The following PTPRT variants were observed in gnomAD, a reference collection of about 807,000 sequenced individuals.
PTPRT encodes protein tyrosine phosphatase receptor type T.
PTPRT carries 56 observed loss-of-function variants against 176.8 expected under a neutral mutation model. The observed-to-expected ratio is 0.32, with a 90% CI of 0.26 to 0.40. The LOEUF is 0.40. PTPRT is among the 10% of genes least tolerant of loss of function. The pLI is 1.00. For synonymous variants in PTPRT, 783 were observed against 739.0 expected (o/e 1.06, Z -0.96); for missense variants, 1,540 against 1,908.2 (o/e 0.81, Z 3.60).
chr20:42,885,397 A>T, intron 2 of PTPRT, among the ~76,000 whole-genome samples: 1 of 149,562 alleles, frequency 6.7e-6, no homozygotes, highest in South Asian at 2.1e-4. Flanking sequence ...TAATATAATT[A>T]ATATAACCTT....
At chr20:42,807,945 T>G (rs929836927) in intron 2 of PTPRT, among the ~76,000 whole-genome samples, 2 of 152,198 alleles carry the variant, frequency 1.3e-5, no homozygotes, top group African/African-American at 4.8e-5. Flanking sequence ...TAAAGAAACT[T>G]GTCTCCCCAG....
At chr20:42,619,553 T>A (rs1301764365) in intron 7 of PTPRT, among the ~76,000 whole-genome samples, 3 of 133,548 alleles carry the variant, frequency 2.2e-5, no homozygotes, top group African/African-American at 1.0e-4. Context: ...CTTGGTTCCA[T>A]TCTCCCTGTC....
chr20:42,478,649 T>A (rs1337916245), intron 7 of PTPRT, among the ~76,000 whole-genome samples: 2 of 152,132 alleles, frequency 1.3e-5, no homozygotes, highest in Non-Finnish European at 2.9e-5. Flanking sequence ...TCATTCAATA[T>A]TTTCAAGGCC....
intron 7 of PTPRT, among the ~76,000 whole-genome samples, chr20:42,636,062 A>T (rs184782668): frequency 6.6e-6 from 1 of 152,280 alleles, no homozygotes; most frequent in African/African-American, 2.4e-5. Context: ...AATAGAGTTG[A>T]CCGACAATTT....
At chr20:42,774,706 G>T (rs1397659559) in intron 4 of PTPRT, among the ~76,000 whole-genome samples, 2 of 152,210 alleles carry the variant, frequency 1.3e-5, no homozygotes, top group Non-Finnish European at 2.9e-5. Context: ...ACTCCATGCG[G>T]TACGCGGTGG....
At chr20:42,145,223 C>T (rs973358588) in intron 17 of PTPRT, among the ~76,000 whole-genome samples, 2 of 152,160 alleles carry the variant, frequency 1.3e-5, no homozygotes, top group African/African-American at 2.4e-5. Flanking sequence ...GTGTTGGGGC[C>T]AGACGCAGTG....
intron 12 of PTPRT, among the ~76,000 whole-genome samples, chr20:42,309,692 GACA>G (rs1227384715): frequency 6.6e-6 from 1 of 152,082 alleles, no homozygotes; most frequent in African/African-American, 2.4e-5. Context: ...CAGATTCATA[GACA>G]ACAAGAAACA....
chr20:42,532,411 CTT>C (rs1205851380), intron 7 of PTPRT, among the ~76,000 whole-genome samples: 1 of 152,088 alleles, frequency 6.6e-6, no homozygotes, highest in East Asian at 1.9e-4. Flanking sequence ...CCAGTTCCAT[CTT>C]TTTTTGAGAC....
At chr20:42,118,592 T>C (rs1306557483) in intron 20 of PTPRT, 92 bp from the exon 21 acceptor site, 1 of 1,021,828 alleles carries the variant, frequency 9.8e-7, no homozygotes, top group East Asian at 2.5e-5. Flanking sequence ...GTCTCCACAC[T>C]GGTGAGCAGG....
chr20:42,084,632 C>T (rs767040110), intron 29 of PTPRT, 50 bp downstream of exon 29: 41 of 1,352,152 alleles, frequency 3.0e-5, no homozygotes, highest in Non-Finnish European at 3.8e-5. Context: ...TGCAAGGATG[C>T]TCTATCACCC....
chr20:42,334,749 T>A (rs2058015835), intron 11 of PTPRT, among the ~76,000 whole-genome samples: 1 of 152,222 alleles, frequency 6.6e-6, no homozygotes, highest in Non-Finnish European at 1.5e-5. Flanking sequence ...TGAATCTCAC[T>A]GGTTATGTGA....
intron 7 of PTPRT, among the ~76,000 whole-genome samples, chr20:42,610,190 A>G (rs562244131): frequency 3.9e-5 from 6 of 152,032 alleles, no homozygotes; most frequent in African/African-American, 7.2e-5. Context: ...AAATGGGGGG[A>G]AAAAAACCTG....
intron 9 of PTPRT, among the ~76,000 whole-genome samples, chr20:42,417,641 T>G (rs1396831314): frequency 6.6e-6 from 1 of 150,470 alleles, no homozygotes; most frequent in Non-Finnish European, 1.5e-5. Context: ...GTTTTAAAAC[T>G]TCATTCATAC....
intron 8 of PTPRT, among the ~76,000 whole-genome samples, chr20:42,469,417 ATGG>A (rs1340885956): frequency 6.6e-6 from 1 of 152,066 alleles, no homozygotes; most frequent in African/African-American, 2.4e-5. Flanking sequence ...AGTAGCCGGG[ATGG>A]TCTCAATCTC....
intron 7 of PTPRT, among the ~76,000 whole-genome samples, chr20:42,563,108 A>G (rs2072979918): frequency 1.3e-5 from 2 of 152,302 alleles, no homozygotes; most frequent in African/African-American, 4.8e-5. Context: ...CAAATCTGTT[A>G]AAAACTAAAT....
chr20:43,018,070 A>G (rs940746258), intron 1 of PTPRT, among the ~76,000 whole-genome samples: 5 of 152,214 alleles, frequency 3.3e-5, no homozygotes, highest in Non-Finnish European at 7.3e-5. Context: ...CTATTCTGCA[A>G]CTGAAGGAAC....
intron 1 of PTPRT, among the ~76,000 whole-genome samples, chr20:42,891,308 G>A (rs574003899): frequency 2.6e-5 from 4 of 152,184 alleles, no homozygotes; most frequent in Non-Finnish European, 5.9e-5. Flanking sequence ...CCACATAATT[G>A]GGGGAGGACA....
intron 16 of PTPRT, among the ~76,000 whole-genome samples, chr20:42,172,544 A>C (rs1340107180): frequency 6.6e-6 from 1 of 152,208 alleles, no homozygotes; most frequent in Non-Finnish European, 1.5e-5. Flanking sequence ...AAGAAGTCAT[A>C]TTTTGAGATC....
intron 1 of PTPRT, among the ~76,000 whole-genome samples, chr20:42,973,537 T>C (rs763358632): frequency 2.0e-5 from 3 of 152,158 alleles, no homozygotes; most frequent in Non-Finnish European, 4.4e-5. Flanking sequence ...CACGAATGCA[T>C]TGCCTCTCTC....
Sources: allele counts gnomAD v4.1 joint callset (sites outside exome capture counted in the v4.1 genomes callset), GRCh38; gene constraint gnomAD v4.1.1; transcripts MANE v1.5; gene names NCBI Gene and HGNC (gene_info 2026-07-23, HGNC 2026-07-21).